The following GSG1 variants were observed in gnomAD, a reference collection of about 807,000 sequenced individuals.
GSG1 encodes germ cell-specific gene 1 protein.
In GSG1, 28 loss-of-function variants were observed where a neutral mutation model predicts 30.8. That is an observed-to-expected ratio of 0.91 (90% CI 0.67 to 1.25). The LOEUF (loss-of-function observed/expected upper bound fraction) is 1.25. Ranked by LOEUF, GSG1 falls within the 50% of genes most tolerant of loss-of-function variation. GSG1 has a pLI of 0.00. For synonymous variants in GSG1, 162 were observed against 178.0 expected (o/e 0.91, Z 0.71); for missense variants, 435 against 444.7 (o/e 0.98, Z 0.20).
chr12:13,090,861 GC>G, intron 1 of GSG1, 43 bp from the exon 2 acceptor site: 1 of 1,535,918 alleles, frequency 6.5e-7, no homozygotes, highest in Non-Finnish European at 8.9e-7. Flanking sequence ...GAGCAGGGGA[GC>G]TTGACTCAGA....
chr12:13,095,858 C>A (rs1157681120), intron 1 of GSG1: 1 of 1,306,880 alleles, frequency 7.7e-7, no homozygotes, highest in Non-Finnish European at 1.0e-6. Context: ...AGAGAGCTTG[C>A]CAATGGGGAT....
chr12:13,095,388 T>A (rs1866575698), intron 1 of GSG1, among the ~76,000 whole-genome samples: 1 of 152,212 alleles, frequency 6.6e-6, no homozygotes, highest in Non-Finnish European at 1.5e-5. Context: ...GTGGTTTCTC[T>A]AACACTTGGG....
rs1192026027 is a variant in GSG1 at position 13,101,812 on chromosome 12, G to A, written c.48+1653C>T. ...TGCGTCTCATTGGGAAGACCCCAGG[G>A]CGGGACTTCACCACCCAGACCCCTC... On this transcript the variant is annotated intron_variant, in intron 1 of 6. Coordinates refer to ENST00000651961, the MANE Select transcript of GSG1 (RefSeq NM_001080555.4). This position sits in a 1 kb window ranked among gnomAD's most constrained non-coding sequence, Gnocchi z 5.8. 6.6e-6 allele frequency among the ~76,000 whole-genome samples: 1 copy of A among 152,186 alleles called. No homozygotes were observed. Among genetic ancestry groups the A allele is most frequent in the Non-Finnish European group, 1.5e-5 (1 of 68,008 alleles).
intron 6 of GSG1, among the ~76,000 whole-genome samples, chr12:13,085,833 G>A (rs1314171013): frequency 1.3e-5 from 2 of 152,284 alleles, no homozygotes; most frequent in South Asian, 2.1e-4. Flanking sequence ...AGGTATTATA[G>A]GTTGTACTAG....
intron 6 of GSG1, 108 bp downstream of exon 6, chr12:13,087,044 A>C: frequency 1.4e-6 from 1 of 692,066 alleles, no homozygotes; most frequent in South Asian, 1.7e-5. Context: ...TCTTGGGATG[A>C]GGGATGAAGA....
chr12:13,095,791 C>G, intron 1 of GSG1: 1 of 1,496,934 alleles, frequency 6.7e-7, no homozygotes, highest in Admixed American at 2.1e-5. Context: ...ACAGGGAACA[C>G]GGGCATTTAA....
At chr12:13,095,537 G>T in intron 1 of GSG1, 1 of 1,504,788 alleles carries the variant, frequency 6.6e-7, no homozygotes, top group Non-Finnish European at 9.3e-7. Flanking sequence ...CTTCTTAAAA[G>T]AGCCAGGTAC....
intron 1 of GSG1, among the ~76,000 whole-genome samples, chr12:13,091,920 C>A (rs951054877): frequency 6.6e-6 from 1 of 152,166 alleles, no homozygotes; most frequent in African/African-American, 2.4e-5. Flanking sequence ...TTTCAGTGAA[C>A]CTTCGGAGGG....
intron 1 of GSG1, among the ~76,000 whole-genome samples, chr12:13,098,719 C>T (rs970661547): frequency 2.6e-5 from 4 of 152,088 alleles, no homozygotes; most frequent in African/African-American, 9.6e-5. Flanking sequence ...TTCTCATAGC[C>T]CGCTTGAGTC....
intron 1 of GSG1, among the ~76,000 whole-genome samples, chr12:13,094,987 G>A (rs1405031996): frequency 6.6e-6 from 1 of 152,144 alleles, no homozygotes; most frequent in Non-Finnish European, 1.5e-5. Context: ...TTAAGGAAGA[G>A]GCAATTTGAG....
rs772773937 is a variant in GSG1 at position 13,087,182 on chromosome 12, G to A, written c.716C>T (p.Pro239Leu). ...GGCCCAGCCATAATTCCAAACATGT[G>A]GTCTCCAGTCTTCTGGACCCAAGTT... ...TVNLGPEDWRPHVWNYGWAFY... is the reference protein window; with the variant it reads ...TVNLGPEDWRLHVWNYGWAFY... Residue 239 changes from proline to leucine, a missense_variant, in exon 6 of 7, where the codon CCA (proline) becomes CTA (leucine). Coordinates refer to ENST00000651961, the MANE Select transcript of GSG1 (RefSeq NM_001080555.4). 1 of 1,613,656 alleles carries A rather than the reference G, an allele frequency of 6.2e-7. No individual in the cohort carries two copies. Among genetic ancestry groups the A allele is most frequent in the Non-Finnish European group, 8.5e-7 (1 of 1,179,584 alleles).
At position 13,090,827 on chromosome 12, in the gene GSG1, G is replaced by A. The variant is rs974352276; in HGVS notation, c.49-9C>T. The A allele has an allele frequency of 6.3e-7, 1 of 1,597,984 alleles. No individual in the cohort carries two copies. The highest frequency in any genetic ancestry group is 1.3e-5 in the African/African-American group (1 of 74,610). ...GCCTTCGAGAGCTCCATCTGTAATA[G>A]ACAAGCACAAGTGGAAGGGAAGGGA... On this transcript the variant is annotated splice_polypyrimidine_tract_variant and intron_variant, in intron 1 of 6. Coordinates refer to ENST00000651961, the MANE Select transcript of GSG1 (RefSeq NM_001080555.4).
rs753298883 is a variant in GSG1 at position 13,088,853 on chromosome 12, C to G, written c.481+9G>C. 6.2e-7 allele frequency: 1 copy of G among 1,614,172 alleles called. No individual in the cohort carries two copies. The highest frequency in any genetic ancestry group is 1.1e-5 in the South Asian group (1 of 91,082). ...TGCAACGTGGCAAATTCCAGTAGTCCTTTCTCACCTCTCTTGGCTGGTGGT... is the reference window on the plus strand; with the variant it reads ...TGCAACGTGGCAAATTCCAGTAGTCGTTTCTCACCTCTCTTGGCTGGTGGT... On this transcript the variant is annotated intron_variant, in intron 4 of 6. Coordinates refer to ENST00000651961, the MANE Select transcript of GSG1 (RefSeq NM_001080555.4).
At chr12:13,092,902 C>G (rs1296428422) in intron 1 of GSG1, among the ~76,000 whole-genome samples, 1 of 151,880 alleles carries the variant, frequency 6.6e-6, no homozygotes, top group African/African-American at 2.4e-5. Context: ...AGAGATTCTC[C>G]TGCCTCAGCC....
chr12:13,086,671 C>T (rs1478835468), intron 6 of GSG1, among the ~76,000 whole-genome samples: 6 of 151,880 alleles, frequency 4.0e-5, no homozygotes, highest in South Asian at 2.1e-4. Flanking sequence ...ATTTCCAACA[C>T]GGTTCAGTAG....
intron 4 of GSG1, 48 bp downstream of exon 4, chr12:13,088,814 G>C (rs776579379): frequency 6.2e-7 from 1 of 1,614,178 alleles, no homozygotes; most frequent in Admixed American, 1.7e-5. Context: ...CGGAGAGTGG[G>C]GTGACATGGG....
At chr12:13,088,959 G>T in intron 3 of GSG1, 50 bp from the exon 4 acceptor site, 1 of 1,600,022 alleles carries the variant, frequency 6.2e-7, no homozygotes, top group Non-Finnish European at 8.6e-7. Context: ...GGGATGGTTG[G>T]AATGAAAACC....
chr12:13,098,125 G>T (rs1459502525), intron 1 of GSG1, among the ~76,000 whole-genome samples: 2 of 151,712 alleles, frequency 1.3e-5, no homozygotes, highest in East Asian at 3.9e-4. Flanking sequence ...GGAGAAGCAG[G>T]AATTTTGTGT....
intron 1 of GSG1, among the ~76,000 whole-genome samples, chr12:13,096,023 GTCACCA>G (rs2120891451): frequency 6.6e-6 from 1 of 152,294 alleles, no homozygotes; most frequent in African/African-American, 2.4e-5. Flanking sequence ...GATATGGCAG[GTCACCA>G]TCACTGCAGA....
Sources: allele counts gnomAD v4.1 joint callset (sites outside exome capture counted in the v4.1 genomes callset), GRCh38; gene constraint gnomAD v4.1.1; non-coding constraint Gnocchi (gnomAD v3.1); transcripts MANE v1.5; gene names NCBI Gene and HGNC (gene_info 2026-07-23, HGNC 2026-07-21).